Variants in GPC3 observed in about 807,000 individuals in gnomAD.
GPC3 encodes glypican 3.
GPC3 carries 3 observed loss-of-function variants against 34.4 expected under a neutral mutation model. The ratio of observed to expected loss-of-function variants is 0.09; its 90% CI spans 0.04 to 0.23. GPC3 has a LOEUF of 0.23. Among genes scored for constraint, GPC3 ranks in the 10% least tolerant of loss-of-function variants. The pLI is 1.00. For synonymous variants in GPC3, 177 were observed against 174.0 expected (o/e 1.02, Z -0.13); for missense variants, 351 against 445.6 (o/e 0.79, Z 1.91).
chrX:133,927,437 A>T (rs111679369), intron 2 of GPC3, among the ~76,000 whole-genome samples: 2 of 110,578 alleles, frequency 1.8e-5, no homozygotes, highest in Non-Finnish European at 3.8e-5. Flanking sequence ...TGCAGCTGAC[A>T]ATATAAATAA....
At chrX:133,568,856 T>C (rs759577379) in intron 7 of GPC3, among the ~76,000 whole-genome samples, 1 of 111,415 alleles carries the variant, frequency 9.0e-6, no homozygotes, top group Non-Finnish European at 1.9e-5. Context: ...AGCTGGACTA[T>C]GTGAGAAGAA....
intron 2 of GPC3, among the ~76,000 whole-genome samples, chrX:133,796,383 TA>T (rs1482170464): frequency 4.4e-5 from 5 of 112,463 alleles, no homozygotes; most frequent in Non-Finnish European, 7.5e-5. Flanking sequence ...GACAAATCCC[TA>T]AATGTGCCTG....
chrX:133,566,200 A>G (rs1212955205), intron 7 of GPC3, among the ~76,000 whole-genome samples: 2 of 112,057 alleles, frequency 1.8e-5, no homozygotes, highest in Non-Finnish European at 3.8e-5. Context: ...CATAATGTGC[A>G]CTGCTGGCCC....
In GPC3 at chrX:133,739,105, C is replaced by T. The variant is rs191814638; in HGVS notation, c.1032+14377G>A. Among the ~76,000 whole-genome samples the T allele has an allele frequency of 6.3e-5, 7 of 110,896 alleles. No homozygotes were observed. The East Asian group carries it at 2.0e-3, about 32-fold the overall frequency. ...GTAGGTATGTATAGGGAAAAAAAACCCACAGTATATATAGGGTTTGGAACT... is the reference window on the plus strand; with the variant it reads ...GTAGGTATGTATAGGGAAAAAAAACTCACAGTATATATAGGGTTTGGAACT... On this transcript the variant is annotated intron_variant, in intron 3 of 7. Coordinates refer to ENST00000370818, the MANE Select transcript of GPC3 (RefSeq NM_004484.4).
chrX:133,650,973 C>A (rs2070595614), intron 6 of GPC3, among the ~76,000 whole-genome samples: 1 of 111,016 alleles, frequency 9.0e-6, no homozygotes, highest in Non-Finnish European at 1.9e-5. Context: ...CTATTTGGCT[C>A]TAAAGCCTTT....
intron 3 of GPC3, among the ~76,000 whole-genome samples, chrX:133,703,493 C>G (rs1363531776): frequency 9.5e-6 from 1 of 104,776 alleles, no homozygotes; most frequent in African/African-American, 3.5e-5. Context: ...CAGAGTCTCA[C>G]TCAGTCACCC....
chrX:133,621,601 G>A (rs1032052437), intron 6 of GPC3, among the ~76,000 whole-genome samples: 2 of 112,162 alleles, frequency 1.8e-5, no homozygotes, highest in African/African-American at 6.5e-5. Flanking sequence ...ATGAGGCTGG[G>A]GGAGGGGCGT....
chrX:133,558,295 C>CTTTTTTTTTTTTTT (rs11405813), intron 7 of GPC3, among the ~76,000 whole-genome samples: 2 of 94,689 alleles, frequency 2.1e-5, no homozygotes, highest in Non-Finnish European at 4.1e-5. Context: ...TCAATTTGGG[C>CTTTTTTTTTTTTTT]TTTTTTTTTT....
At chrX:133,806,059 A>T (rs1351118053) in intron 2 of GPC3, among the ~76,000 whole-genome samples, 1 of 112,349 alleles carries the variant, frequency 8.9e-6, no homozygotes, top group Non-Finnish European at 1.9e-5. Flanking sequence ...GGAATTAAGG[A>T]AAGTAAATTA....
chrX:133,894,433 T>G (rs2076102672), intron 2 of GPC3, among the ~76,000 whole-genome samples: 1 of 112,283 alleles, frequency 8.9e-6, no homozygotes, highest in Non-Finnish European at 1.9e-5. Context: ...AAATCATGTT[T>G]TATCTCTATA....
At chrX:133,546,151 TTGA>T (rs961444243) in intron 7 of GPC3, among the ~76,000 whole-genome samples, 6 of 111,624 alleles carry the variant, frequency 5.4e-5, no homozygotes, top group Non-Finnish European at 1.1e-4. Context: ...CACACACATA[TTGA>T]AATTAGCCTG....
intron 2 of GPC3, among the ~76,000 whole-genome samples, chrX:133,917,960 C>T (rs1001605254): frequency 3.6e-5 from 4 of 112,124 alleles, no homozygotes; most frequent in Admixed American, 9.5e-5. Context: ...GCAAAGTTTT[C>T]TTTCTGTCCA....
At chrX:133,538,444 C>T (rs189578589) in intron 7 of GPC3, among the ~76,000 whole-genome samples, 53 of 111,403 alleles carry the variant, frequency 4.8e-4, no homozygotes, top group Non-Finnish European at 9.0e-4. Context: ...CTTTCAGATT[C>T]CTTTTCTGGA....
chrX:133,538,210 T>C (rs2069312062), intron 7 of GPC3, among the ~76,000 whole-genome samples: 1 of 112,085 alleles, frequency 8.9e-6, no homozygotes, highest in South Asian at 3.7e-4. Context: ...ATTAGACCTC[T>C]TTCTTTGAAA....
intron 2 of GPC3, among the ~76,000 whole-genome samples, chrX:133,907,151 C>A (rs2076172174): frequency 9.0e-6 from 1 of 110,720 alleles, no homozygotes; most frequent in East Asian, 2.8e-4. Flanking sequence ...CCTTAACATA[C>A]CCCTGACCTA....
intron 2 of GPC3, among the ~76,000 whole-genome samples, chrX:133,788,996 T>C (rs1032905840): frequency 9.0e-6 from 1 of 110,712 alleles, no homozygotes; most frequent in African/African-American, 3.3e-5. Flanking sequence ...GCAGCCACTA[T>C]GAGGCTTCAC....
intron 2 of GPC3, chrX:133,763,718 A>G (rs1280885924): frequency 2.0e-6 from 1 of 490,490 alleles, no homozygotes; most frequent in East Asian, 3.6e-5. Flanking sequence ...CAACATGGAA[A>G]TAAGGCTGAC....
chrX:133,849,688 TC>T (rs754909451), intron 2 of GPC3, among the ~76,000 whole-genome samples: 139 of 111,760 alleles, frequency 1.2e-3, no homozygotes, highest in Middle Eastern at 4.6e-3. Context: ...TGTCACCTGA[TC>T]CTTTGGTCCA....
At chrX:133,848,370 G>A (rs975541229) in intron 2 of GPC3, among the ~76,000 whole-genome samples, 1 of 111,791 alleles carries the variant, frequency 8.9e-6, no homozygotes, top group Non-Finnish European at 1.9e-5. Flanking sequence ...TTCCTAAAAC[G>A]TTCTGTGGAA....
Sources: allele counts gnomAD v4.1 joint callset (sites outside exome capture counted in the v4.1 genomes callset), GRCh38; gene constraint gnomAD v4.1.1; transcripts MANE v1.5; gene names NCBI Gene and HGNC (gene_info 2026-07-23, HGNC 2026-07-21).